Variants in JAML observed in about 807,000 individuals in gnomAD.
JAML encodes the protein junctional adhesion molecule-like.
JAML carries 25 observed loss-of-function variants against 39.3 expected under a neutral mutation model. The observed-to-expected ratio is 0.64, with a 90% CI of 0.46 to 0.89. The LOEUF is 0.89. JAML is among the 40% of genes least tolerant of loss of function. JAML has a pLI of 0.00. For missense variants in JAML, 440 were observed against 486.9 expected (o/e 0.90, Z 0.91); for synonymous variants, 162 against 179.2 (o/e 0.90, Z 0.77).
chr11:118,196,609 G>C (rs1398310942), intron 9 of JAML, 126 bp downstream of exon 9: 31 of 761,914 alleles, frequency 4.1e-5, no homozygotes, highest in East Asian at 3.9e-4. Flanking sequence ...CAGTTTCTCA[G>C]ACTTTTCTGC....
chr11:118,206,276 T>C (rs1000855349), intron 4 of JAML, among the ~76,000 whole-genome samples: 4 of 152,224 alleles, frequency 2.6e-5, no homozygotes, highest in African/African-American at 9.6e-5. Flanking sequence ...GGGTTTCTGC[T>C]GTCTCCATAT....
intron 3 of JAML, among the ~76,000 whole-genome samples, chr11:118,211,669 A>G (rs558595232): frequency 6.6e-6 from 1 of 152,366 alleles, no homozygotes; most frequent in Admixed American, 6.5e-5. Flanking sequence ...CTACAAAAAC[A>G]ATATTTTGTT....
Position 118,196,737 on chromosome 11 carries a change from T to A in JAML, c.1090A>T (p.Met364Leu). 6.2e-7 allele frequency: 1 copy of A among 1,607,538 alleles called. No homozygotes were observed. The change falls in exon 9 of 10, where the codon ATG becomes TTG. Residue 364 changes from methionine to leucine, a missense_variant and splice_region_variant. Physicochemically the swap from Met to Leu is conservative, Grantham distance 15. Transcript: ENST00000356289. ...GCTGAGGCCAGAATCATTCTCACCA[T>A]GGTCATGTAGGTGGCCTCTGATTTT... ...SEKSEATYMT[M>L]HPVWPSLRSD...
intron 4 of JAML, among the ~76,000 whole-genome samples, chr11:118,208,241 A>AG (rs1247968558): frequency 1.6e-4 from 2 of 12,182 alleles, no homozygotes; most frequent in East Asian, 2.2e-3. Flanking sequence ...CTAAAAAAAA[A>AG]AGAGAGAGAG....
intron 2 of JAML, among the ~76,000 whole-genome samples, chr11:118,214,500 G>A (rs1290262506): frequency 6.6e-6 from 1 of 152,160 alleles, no homozygotes; most frequent in Admixed American, 6.5e-5. Context: ...GATTCAAGGC[G>A]AACTGTGGTT....
At chr11:118,209,854 C>T (rs916193207) in intron 4 of JAML, among the ~76,000 whole-genome samples, 9 of 148,624 alleles carry the variant, frequency 6.1e-5, no homozygotes, top group African/African-American at 1.2e-4. Context: ...CTTTTTTTTT[C>T]TTTTCTTTTC....
At chr11:118,203,894 AG>A (rs1209714580) in intron 5 of JAML, 11 of 505,742 alleles carry the variant, frequency 2.2e-5, no homozygotes, top group Admixed American at 3.2e-5. Context: ...ATCTGAATGG[AG>A]GGATAAGAAA....
chr11:118,200,437 C>CA (rs1948759769), intron 7 of JAML, 37 bp downstream of exon 7: 2 of 1,611,510 alleles, frequency 1.2e-6, no homozygotes, highest in Admixed American at 3.3e-5. Context: ...CTTGCACCCC[C>CA]AGCCTCCCAA....
Position 118,210,583 on chromosome 11 carries a change from C to T in JAML, c.328G>A (p.Asp110Asn), listed in dbSNP as rs1338749709. The change falls in exon 4 of 10, where the codon GAC becomes AAC. Residue 110 changes from aspartate to asparagine, a missense_variant. Coordinates refer to ENST00000356289, the MANE Select transcript of JAML (RefSeq NM_001098526.2). ...ATTTCACAGATATAGGTTCCCTGGT[C>T]AGCCTCTTGCACATCTTGGAGCAGG... ...SLLLQDVQEADQGTYICEIRL... is the reference protein window; with the variant it reads ...SLLLQDVQEANQGTYICEIRL... 1 of 1,614,220 alleles carries T rather than the reference C, an allele frequency of 6.2e-7. No individual in the cohort carries two copies. Among genetic ancestry groups the T allele is most frequent in the South Asian group, 1.1e-5 (1 of 91,078 alleles).
At position 118,200,469 on chromosome 11, in the gene JAML, T is replaced by C; in HGVS notation, c.911+5A>G. On this transcript the variant is annotated splice_donor_5th_base_variant and intron_variant, in intron 7 of 9. Coordinates refer to ENST00000356289, the MANE Select transcript of JAML (RefSeq NM_001098526.2). ...CCAATCCAAGGGGTGGGGGTAGCCC[T>C]GTACCTCTTATTTCCACAGGTCTTC... The C allele has an allele frequency of 6.2e-7, 1 of 1,614,054 alleles. No homozygotes were observed. The highest frequency in any genetic ancestry group is 8.5e-7 in the Non-Finnish European group (1 of 1,179,980).
intron 6 of JAML, 39 bp downstream of exon 6, chr11:118,203,389 A>G: frequency 6.4e-7 from 1 of 1,570,876 alleles, no homozygotes; most frequent in Non-Finnish European, 8.8e-7. Context: ...TGCACCAGCC[A>G]GGAGGTCCCT....
At chr11:118,204,017 A>C in intron 5 of JAML, 1 of 264,164 alleles carries the variant, frequency 3.8e-6, no homozygotes, top group Non-Finnish European at 7.5e-6. Context: ...ACATGTCTAA[A>C]ACTGAACTCT....
chr11:118,215,893 G>A (rs1404377347), intron 1 of JAML, among the ~76,000 whole-genome samples: 3 of 152,098 alleles, frequency 2.0e-5, no homozygotes, highest in African/African-American at 7.2e-5. Flanking sequence ...AACCAGTCTT[G>A]AGTTCCCACC....
chr11:118,206,322 T>C (rs1027366217), intron 4 of JAML, among the ~76,000 whole-genome samples: 1 of 152,158 alleles, frequency 6.6e-6, no homozygotes, highest in African/African-American at 2.4e-5. Context: ...TTAATTCCTT[T>C]CTCTTTCCCC....
chr11:118,199,949 G>A (rs1948743116), intron 7 of JAML, among the ~76,000 whole-genome samples: 1 of 152,000 alleles, frequency 6.6e-6, no homozygotes, highest in African/African-American at 2.4e-5. Flanking sequence ...GCCCGCCTTG[G>A]CCTCTCAAAG....
Position 118,194,238 on chromosome 11 carries a change from G to A in JAML, c.*87C>T. On this transcript the variant is annotated 3_prime_UTR_variant, in exon 10 of 10. Coordinates refer to ENST00000356289, the MANE Select transcript of JAML (RefSeq NM_001098526.2). ...GACAGGAGGACAGCTGGGAGAGCGG[G>A]AGTCTGAAATCACTGGTAGAGTGGC... 3 of 1,143,808 alleles carry A rather than the reference G, an allele frequency of 2.6e-6. No homozygotes were observed. The South Asian group carries it at 3.7e-5, about 14-fold the overall frequency. 70.9% of individuals were successfully genotyped at this position (1,143,808 alleles called of 1,614,324 possible).
intron 1 of JAML, among the ~76,000 whole-genome samples, chr11:118,218,537 C>T (rs1949172804): frequency 6.6e-6 from 1 of 152,172 alleles, no homozygotes; most frequent in African/African-American, 2.4e-5. Context: ...AGCCAAGAGC[C>T]ATGCCCATGA....
chr11:118,205,953 A>G lies in JAML; in HGVS notation c.463T>C (p.Cys155Arg), dbSNP rs1257505647. ...VHVGGLIQMG[C>R]VFQSTEVKHV... The stretch of plus-strand genomic sequence containing the variant: ...TTCACTTCTGTGCTCTGGAAAACAC[A>G]TCCCATCTGAATCAATCCACCCACA... The change falls in exon 5 of 10, where the codon TGT becomes CGT. Residue 155 changes from cysteine (C) to arginine (R), a missense_variant. By Grantham distance (180) the Cys-to-Arg change is radical (BLOSUM62 -3). Transcript: ENST00000356289. 6.2e-7 allele frequency: 1 copy of G among 1,614,152 alleles called. No homozygotes were observed. The highest frequency in any genetic ancestry group is 8.5e-7 in the Non-Finnish European group (1 of 1,179,992).
In JAML at chr11:118,194,018, A is replaced by C; in HGVS notation, c.*307T>G. 1 of 312,252 alleles carries C rather than the reference A, an allele frequency of 3.2e-6. No homozygotes were observed. The highest frequency in any genetic ancestry group is 6.2e-6 in the Non-Finnish European group (1 of 162,200). The allele number at this position is 312,252 out of a possible 1,614,324, so 19.3% of individuals were successfully genotyped here. On this transcript the variant is annotated 3_prime_UTR_variant, in exon 10 of 10. Transcript: ENST00000356289. ...CTTCCCAGTAACTCATCCACTAAGA[A>C]CCCTGCCCACAGGAGGGTCTGATCC...
Sources: gnomAD v4.1 joint callset for allele counts (sites outside exome capture counted in the v4.1 genomes callset) on GRCh38, gnomAD v4.1.1 for gene constraint, MANE v1.5 for transcripts, NCBI Gene and HGNC (gene_info 2026-07-23, HGNC 2026-07-21) for gene names.